FBXO25: variants seen among roughly 807,000 people sequenced by gnomAD.
FBXO25 encodes the protein F-box only protein 25.
A neutral mutation model predicts 51.9 loss-of-function variants in FBXO25; 45 were observed. The observed-to-expected ratio is 0.87, with a 90% CI of 0.68 to 1.11. The LOEUF (loss-of-function observed/expected upper bound fraction) is 1.11, where lower values mean the gene tolerates loss of function less well. Ranked by LOEUF, FBXO25 falls within the 50% of genes most tolerant of loss-of-function variation. The probability of loss-of-function intolerance (pLI) is 0.00; values close to 1 mark genes in which losing one functional copy is unlikely to be tolerated. For synonymous variants in FBXO25, 199 were observed against 151.0 expected (o/e 1.32, Z -2.33); for missense variants, 507 against 428.5 (o/e 1.18, Z -1.62).
chr8:412,449 A>C lies in FBXO25; in HGVS notation c.-7-624A>C, dbSNP rs574281462. ...CAACATTCAGAAGCCTCCAGTCCCA[A>C]CTACTTTCCTCCAGGTGACCCTCAC... On this transcript the variant is annotated intron_variant, in intron 1 of 9. Transcript: ENST00000350302. Among the ~76,000 whole-genome samples the C allele has an allele frequency of 2.0e-4, 31 of 152,308 alleles. No homozygotes were observed. The South Asian group carries it at 6.2e-3, about 31-fold the overall frequency.
chr8:441,279 T>G (rs1798410291), intron 5 of FBXO25, among the ~76,000 whole-genome samples: 2 of 152,312 alleles, frequency 1.3e-5, no homozygotes. Context: ...GATTCCCTAT[T>G]TAATAAATGG....
chr8:411,029 T>C (rs571119713), intron 1 of FBXO25, among the ~76,000 whole-genome samples: 7 of 152,194 alleles, frequency 4.6e-5, no homozygotes, highest in Non-Finnish European at 7.4e-5. Flanking sequence ...TTTTTGTTAA[T>C]TATACTAAAT....
At chr8:443,228 G>A (rs1330265020) in intron 5 of FBXO25, among the ~76,000 whole-genome samples, 12 of 150,992 alleles carry the variant, frequency 7.9e-5, no homozygotes, top group South Asian at 2.1e-4. Flanking sequence ...CTCATTATAC[G>A]GCATGCCAAA....
chr8:416,647 C>T (rs370398240), intron 2 of FBXO25, among the ~76,000 whole-genome samples: 34 of 152,290 alleles, frequency 2.2e-4, no homozygotes, highest in African/African-American at 7.5e-4. Context: ...GGGCCGGAGT[C>T]CTACCTCTAC....
intron 1 of FBXO25, among the ~76,000 whole-genome samples, chr8:411,969 C>T (rs1796506692): frequency 1.3e-5 from 2 of 152,196 alleles, no homozygotes; most frequent in Non-Finnish European, 1.5e-5. Flanking sequence ...TGGGACTAAG[C>T]ACTTGAATGT....
intron 8 of FBXO25, among the ~76,000 whole-genome samples, chr8:459,452 CTG>C (rs1396611641): frequency 2.6e-5 from 4 of 152,226 alleles, no homozygotes; most frequent in African/African-American, 9.6e-5. Flanking sequence ...GAATCCTTGT[CTG>C]TGTCCTGTGA....
chr8:433,524 C>G (rs1419456688), intron 4 of FBXO25, among the ~76,000 whole-genome samples: 8 of 152,120 alleles, frequency 5.3e-5, no homozygotes, highest in Non-Finnish European at 8.8e-5. Context: ...TGGGTTTGTG[C>G]AGAGCTGTGT....
intron 6 of FBXO25, 133 bp downstream of exon 6, chr8:450,216 C>G (rs770841984): frequency 9.3e-6 from 5 of 539,134 alleles, no homozygotes; most frequent in African/African-American, 2.0e-5. Context: ...GTGATAACAT[C>G]AGAAATACAG....
intron 8 of FBXO25, among the ~76,000 whole-genome samples, chr8:462,073 G>A (rs1038174446): frequency 6.6e-6 from 1 of 152,100 alleles, no homozygotes; most frequent in Non-Finnish European, 1.5e-5. Context: ...GGAATTGCCA[G>A]ACTGTTTGCA....
intron 6 of FBXO25, 43 bp from the exon 7 acceptor site, chr8:451,226 G>C (rs769195939): frequency 1.3e-6 from 2 of 1,530,618 alleles, no homozygotes; most frequent in African/African-American, 1.4e-5. Context: ...TTAAAGTGTT[G>C]CTTAACTGTA....
intron 9 of FBXO25, 44 bp from the exon 10 acceptor site, chr8:468,671 C>G (rs558816597): frequency 2.5e-5 from 38 of 1,492,710 alleles, no homozygotes; most frequent in Non-Finnish European, 3.4e-5. Context: ...TAGAGTGTGG[C>G]TGGTGGTGGG....
At chr8:420,870 C>A (rs1250417037) in intron 2 of FBXO25, among the ~76,000 whole-genome samples, 1 of 152,218 alleles carries the variant, frequency 6.6e-6, no homozygotes, top group African/African-American at 2.4e-5. Context: ...TGTCAAAACC[C>A]ATGGAACTGT....
chr8:477,407 T>C lies in FBXO25; in HGVS notation c.*8603T>C, dbSNP rs1220119477. On this transcript the variant is annotated 3_prime_UTR_variant, in exon 10 of 10. Transcript: ENST00000350302. ...CTATCCATTTCTTCCTTTGATTCTG[T>C]CAATGTTTGTTTCATATATTTTGGG... 1 of 152,278 alleles carries C rather than the reference T, an allele frequency of 6.6e-6. No individual in the cohort carries two copies. Among genetic ancestry groups the C allele is most frequent in the Admixed American group, 6.5e-5 (1 of 15,292 alleles). 9.4% of individuals were successfully genotyped at this position (152,278 alleles called of 1,614,324 possible).
intron 7 of FBXO25, among the ~76,000 whole-genome samples, chr8:457,185 C>T (rs922549396): frequency 6.6e-6 from 1 of 152,208 alleles, no homozygotes; most frequent in Non-Finnish European, 1.5e-5. Context: ...GGGTCAGGAG[C>T]TGAGGCGGGA....
intron 9 of FBXO25, among the ~76,000 whole-genome samples, chr8:465,771 G>A (rs755848944): frequency 6.6e-6 from 1 of 152,184 alleles, no homozygotes; most frequent in Non-Finnish European, 1.5e-5. Flanking sequence ...AAAAGTTTGG[G>A]ATTTTGGAGC....
chr8:454,007 A>C (rs1799261130), intron 7 of FBXO25, among the ~76,000 whole-genome samples: 1 of 152,030 alleles, frequency 6.6e-6, no homozygotes, highest in African/African-American at 2.4e-5. Context: ...ACCTGTAGTC[A>C]CAGCTACTCG....
At chr8:455,789 A>T (rs1799385616) in intron 7 of FBXO25, among the ~76,000 whole-genome samples, 2 of 152,218 alleles carry the variant, frequency 1.3e-5, no homozygotes, top group African/African-American at 2.4e-5. Flanking sequence ...TAATCAGTGG[A>T]GGAAGTGCAG....
intron 2 of FBXO25, among the ~76,000 whole-genome samples, chr8:423,744 C>T (rs1273432912): frequency 2.0e-5 from 3 of 152,272 alleles, no homozygotes; most frequent in African/African-American, 7.2e-5. Flanking sequence ...AATAGTGCAG[C>T]GATGAACATA....
intron 5 of FBXO25, among the ~76,000 whole-genome samples, chr8:449,017 A>C (rs1798907736): frequency 6.6e-6 from 1 of 152,262 alleles, no homozygotes; most frequent in South Asian, 2.1e-4. Context: ...CATAAAATTA[A>C]GACCAAACAT....
Sources: gnomAD v4.1 joint callset for allele counts (sites outside exome capture counted in the v4.1 genomes callset) on GRCh38, gnomAD v4.1.1 for gene constraint, MANE v1.5 for transcripts, NCBI Gene and HGNC (gene_info 2026-07-23, HGNC 2026-07-21) for gene names.